The following DCLK2 variants were observed in gnomAD, a reference collection of about 807,000 sequenced individuals.
DCLK2 encodes serine/threonine-protein kinase DCLK2.
Under a neutral mutation model 78.4 loss-of-function variants are expected in DCLK2, and 31 were observed. That is an observed-to-expected ratio of 0.40 (90% CI 0.30 to 0.53). DCLK2 has a LOEUF of 0.53. Among genes scored for constraint, DCLK2 ranks in the 20% least tolerant of loss-of-function variants. The probability of loss-of-function intolerance (pLI) is 0.61; values close to 1 mark genes in which losing one functional copy is unlikely to be tolerated. For missense variants in DCLK2, 872 were observed against 973.7 expected, an observed-to-expected ratio of 0.90 and a Z score of 1.39; for synonymous variants, 407 against 374.9, an observed-to-expected ratio of 1.09 and a Z score of -0.99.
At chr4:150,217,842 TC>T (rs1385154523) in intron 5 of DCLK2, among the ~76,000 whole-genome samples, 1 of 152,254 alleles carries the variant, frequency 6.6e-6, no homozygotes, top group Non-Finnish European at 1.5e-5. Context: ...GGATAAGTCA[TC>T]CCTGTTAACG....
intron 5 of DCLK2, among the ~76,000 whole-genome samples, chr4:150,210,960 A>G (rs1244210674): frequency 3.3e-5 from 5 of 151,260 alleles, no homozygotes; most frequent in African/African-American, 1.2e-4. Context: ...AAAAAAAAAA[A>G]AAAGAAAGAA....
At chr4:150,255,291 G>A (rs535657563) in intron 15 of DCLK2, among the ~76,000 whole-genome samples, 7 of 152,302 alleles carry the variant, frequency 4.6e-5, no homozygotes, top group African/African-American at 7.2e-5. Flanking sequence ...CAGCTTGATG[G>A]GCTTCCCTGG....
intron 2 of DCLK2, among the ~76,000 whole-genome samples, chr4:150,156,961 G>C (rs1735327624): frequency 6.6e-6 from 1 of 151,368 alleles, no homozygotes. Flanking sequence ...GTAGAGACAA[G>C]GTCTTGCTAT....
At chr4:150,161,456 T>G (rs1294948747) in intron 2 of DCLK2, among the ~76,000 whole-genome samples, 2 of 152,134 alleles carry the variant, frequency 1.3e-5, no homozygotes, top group Non-Finnish European at 2.9e-5. Flanking sequence ...AATACAAATT[T>G]TTTGGTTCCC....
intron 2 of DCLK2, among the ~76,000 whole-genome samples, chr4:150,142,262 A>G (rs377466171): frequency 6.6e-6 from 1 of 152,146 alleles, no homozygotes; most frequent in Non-Finnish European, 1.5e-5. Flanking sequence ...ATCATTATGT[A>G]TATAATTAAC....
At chr4:150,096,182 G>A (rs559744332) in intron 1 of DCLK2, among the ~76,000 whole-genome samples, 2 of 152,324 alleles carry the variant, frequency 1.3e-5, no homozygotes, top group South Asian at 4.1e-4. Flanking sequence ...AAAGTCAACC[G>A]TTCTGCCAAT....
At chr4:150,123,898 G>A (rs537825318) in intron 2 of DCLK2, among the ~76,000 whole-genome samples, 1 of 152,048 alleles carries the variant, frequency 6.6e-6, no homozygotes, top group East Asian at 1.9e-4. Context: ...AAAGTAGCCG[G>A]GTGTGGTAGC....
At chr4:150,211,747 T>C (rs1219002627) in intron 5 of DCLK2, among the ~76,000 whole-genome samples, 1 of 152,134 alleles carries the variant, frequency 6.6e-6, no homozygotes, top group Non-Finnish European at 1.5e-5. Context: ...ATCCCACCCC[T>C]GTGGACCTCG....
intron 8 of DCLK2, among the ~76,000 whole-genome samples, chr4:150,228,460 C>T (rs1460933762): frequency 6.6e-6 from 1 of 152,174 alleles, no homozygotes; most frequent in Admixed American, 6.5e-5. Flanking sequence ...ACTTTGGTAC[C>T]TACTGTTTGT....
At chr4:150,103,293 A>ATGTC (rs1162856047) in intron 2 of DCLK2, among the ~76,000 whole-genome samples, 7 of 152,218 alleles carry the variant, frequency 4.6e-5, no homozygotes. Context: ...TTTTATAGGA[A>ATGTC]TGTCTGTAAA....
intron 15 of DCLK2, among the ~76,000 whole-genome samples, chr4:150,250,007 G>A (rs1743639884): frequency 6.6e-6 from 1 of 152,104 alleles, no homozygotes; most frequent in Non-Finnish European, 1.5e-5. Flanking sequence ...GGAGGGGTGT[G>A]TTGTGTTAGG....
chr4:150,139,894 TTTTG>T (rs1266114065), intron 2 of DCLK2, among the ~76,000 whole-genome samples: 1 of 152,234 alleles, frequency 6.6e-6, no homozygotes, highest in African/African-American at 2.4e-5. Context: ...ATGCAATTAA[TTTTG>T]TTTGCCTATT....
At chr4:150,083,938 A>C (rs1382721722) in intron 1 of DCLK2, among the ~76,000 whole-genome samples, 1 of 152,234 alleles carries the variant, frequency 6.6e-6, no homozygotes, top group Non-Finnish European at 1.5e-5. Context: ...TCCTTCAAAA[A>C]ATGCACATTC....
chr4:150,201,852 C>T (rs995804348), intron 4 of DCLK2, among the ~76,000 whole-genome samples: 1 of 152,134 alleles, frequency 6.6e-6, no homozygotes, highest in African/African-American at 2.4e-5. Context: ...TCACCACAAG[C>T]TTACTAGTTT....
At chr4:150,104,527 A>G (rs1580508197) in intron 2 of DCLK2, among the ~76,000 whole-genome samples, 1 of 152,038 alleles carries the variant, frequency 6.6e-6, no homozygotes, top group East Asian at 1.9e-4. Context: ...AGATGTAAAA[A>G]TGTTAACTAA....
At chr4:150,221,833 A>C in intron 7 of DCLK2, 48 bp downstream of exon 7, 1 of 1,214,838 alleles carries the variant, frequency 8.2e-7, no homozygotes, top group Non-Finnish European at 1.2e-6. Context: ...ATGATAAATA[A>C]TGAAAACTGT....
rs1736886225 is a variant in DCLK2, at chr4:150,175,036, A to ATATATTTATATATATATTTG, written c.757-18097_757-18096insTTATATATATATTTGTATAT. Among the ~76,000 whole-genome samples the ATATATTTATATATATATTTG allele has an allele frequency of 8.5e-5, 4 of 47,192 alleles. 2 individuals are homozygous for ATATATTTATATATATATTTG. The highest frequency in any genetic ancestry group is 1.7e-4 in the Non-Finnish European group (4 of 23,384). The allele number at this position is 47,192 out of a possible 152,430, so 31.0% of individuals were successfully genotyped here. ...AATATATATATATATATATATATTTATATATATTTATATATTTATATATAT... is the reference window on the plus strand; with the variant it reads ...AATATATATATATATATATATATTTATATATTTATATATATATTTGTATATATTTATATATTTATATATAT... On this transcript the variant is annotated intron_variant, in intron 2 of 15. Coordinates refer to ENST00000296550, the MANE Select transcript of DCLK2 (RefSeq NM_001040260.4).
At chr4:150,187,737 T>G (rs1738060569) in intron 2 of DCLK2, among the ~76,000 whole-genome samples, 1 of 152,188 alleles carries the variant, frequency 6.6e-6, no homozygotes, top group Non-Finnish European at 1.5e-5. Context: ...CTGAAGTTGT[T>G]TAACATCTTG....
rs1553966365 is a variant in DCLK2 at position 150,190,050 on chromosome 4, AAG to A, written c.757-3087_757-3086del. On this transcript the variant is annotated intron_variant, in intron 2 of 15. Transcript: ENST00000296550. ...ACCCTGTCTCAAAAAAAAAAAAAAAAAGGCCAAGTGTGGTGGCTGTGGTCCCA... is the reference window on the plus strand; with the variant it reads ...ACCCTGTCTCAAAAAAAAAAAAAAAAGCCAAGTGTGGTGGCTGTGGTCCCA... 2.0e-3 allele frequency among the ~76,000 whole-genome samples: 292 copies of A among 143,474 alleles called. 101 individuals carry two copies. Among genetic ancestry groups the A allele is most frequent in the Non-Finnish European group, 3.8e-3 (247 of 65,432 alleles). The allele number at this position is 143,474 out of a possible 152,430, so 94.1% of individuals were successfully genotyped here. A position where few individuals can be genotyped will look rare whatever the true frequency, so the allele number is the denominator to read the frequency against.
Sources: allele counts gnomAD v4.1 joint callset (sites outside exome capture counted in the v4.1 genomes callset), GRCh38; gene constraint gnomAD v4.1.1; transcripts MANE v1.5; gene names NCBI Gene and HGNC (gene_info 2026-07-23, HGNC 2026-07-21).